MANBA: variants seen among roughly 807,000 people sequenced by gnomAD.
MANBA encodes the protein mannosidase beta, also known as beta-mannosidase.
In MANBA, 83 loss-of-function variants were observed where a neutral mutation model predicts 111.1. The observed-to-expected ratio is 0.75, with a 90% CI of 0.63 to 0.90. The LOEUF (loss-of-function observed/expected upper bound fraction) is 0.90, where lower values mean the gene tolerates loss of function less well. Ranked by LOEUF, MANBA falls within the 40% of genes least tolerant of loss-of-function variation. The pLI is 0.00. For missense variants in MANBA, 1,036 were observed against 1,069.0 expected, an observed-to-expected ratio of 0.97 and a Z score of 0.43; for synonymous variants, 370 against 378.7, an observed-to-expected ratio of 0.98 and a Z score of 0.27.
chr4:102,670,154 C>CAAAAAAAA (rs70937560), intron 9 of MANBA, among the ~76,000 whole-genome samples: 14 of 107,956 alleles, frequency 1.3e-4, no homozygotes, highest in African/African-American at 5.9e-4. Context: ...GACTCCATAT[C>CAAAAAAAA]AAAAAAAAAA....
chr4:102,636,238 C>T (rs963818334), intron 14 of MANBA, among the ~76,000 whole-genome samples: 5 of 152,306 alleles, frequency 3.3e-5, no homozygotes, highest in South Asian at 2.1e-4. Flanking sequence ...CAGGCATTAA[C>T]GAACCATGCT....
chr4:102,717,957 G>A (rs1722407155), intron 4 of MANBA, among the ~76,000 whole-genome samples: 1 of 152,238 alleles, frequency 6.6e-6, no homozygotes, highest in Non-Finnish European at 1.5e-5. Context: ...ATTAACTAGA[G>A]GAAGGCAAGT....
intron 1 of MANBA, among the ~76,000 whole-genome samples, chr4:102,756,483 G>A (rs1578965072): frequency 6.6e-6 from 1 of 152,168 alleles, no homozygotes; most frequent in East Asian, 1.9e-4. Context: ...TGAGGTTGGG[G>A]GCTGGGGGAG....
In MANBA at chr4:102,688,295, G is replaced by GCACA. The variant is rs112932815; in HGVS notation, c.960+1275_960+1278dup. Among the ~76,000 whole-genome samples the GCACA allele has an allele frequency of 4.8e-5, 7 of 146,350 alleles. No homozygotes were observed. The East Asian group carries it at 6.0e-4, about 13-fold the overall frequency. On this transcript the variant is annotated intron_variant, in intron 7 of 16. Transcript: ENST00000647097. ...ACTCTGTGCATGTGTGCGTGCGCGC[G>GCACA]CACACACACACACACACACACAAAC...
intron 1 of MANBA, chr4:102,752,365 A>G: frequency 1.5e-6 from 2 of 1,332,378 alleles, no homozygotes; most frequent in South Asian, 2.3e-5. Flanking sequence ...TCCCCGAACT[A>G]AAGACCATTC....
chr4:102,651,604 C>A (rs977386113), intron 12 of MANBA, among the ~76,000 whole-genome samples: 1 of 152,104 alleles, frequency 6.6e-6, no homozygotes, highest in African/African-American at 2.4e-5. Flanking sequence ...GCCCCTCCAC[C>A]CAAAAACCTG....
At chr4:102,704,744 A>C (rs1174374533) in intron 5 of MANBA, among the ~76,000 whole-genome samples, 1 of 152,152 alleles carries the variant, frequency 6.6e-6, no homozygotes. Flanking sequence ...TTGAAAAAAA[A>C]AATTCTGGAG....
chr4:102,675,412 A>G (rs917571073), intron 7 of MANBA, among the ~76,000 whole-genome samples: 4 of 152,136 alleles, frequency 2.6e-5, no homozygotes, highest in South Asian at 2.1e-4. Context: ...GAAGCAGTGC[A>G]TTTTCAGAGA....
chr4:102,658,041 C>T, intron 11 of MANBA, 141 bp from the exon 12 acceptor site: 1 of 692,146 alleles, frequency 1.4e-6, no homozygotes, highest in Non-Finnish European at 2.6e-6. Context: ...TACCTTCTTC[C>T]CTATTCAACA....
intron 5 of MANBA, among the ~76,000 whole-genome samples, chr4:102,697,327 C>A (rs1732763145): frequency 6.6e-6 from 1 of 151,874 alleles, no homozygotes; most frequent in Non-Finnish European, 1.5e-5. Context: ...ATCAAATAAG[C>A]AAGACTGACA....
chr4:102,743,713 T>C (rs1034941556), intron 1 of MANBA, among the ~76,000 whole-genome samples: 2 of 152,192 alleles, frequency 1.3e-5, no homozygotes, highest in East Asian at 1.9e-4. Context: ...ACCTACTTTA[T>C]GGCTAGATGG....
At chr4:102,685,038 T>C (rs893857281) in intron 7 of MANBA, among the ~76,000 whole-genome samples, 14 of 152,154 alleles carry the variant, frequency 9.2e-5, no homozygotes, top group South Asian at 2.1e-4. Flanking sequence ...AAAAAATACA[T>C]GCTATATGGT....
At chr4:102,660,725 G>A (rs974956083) in intron 11 of MANBA, among the ~76,000 whole-genome samples, 1 of 150,214 alleles carries the variant, frequency 6.7e-6, no homozygotes, top group Non-Finnish European at 1.5e-5. Flanking sequence ...AAGTCACTGG[G>A]GTTACAGGTG....
chr4:102,643,641 C>G (rs1056648401), intron 13 of MANBA, among the ~76,000 whole-genome samples: 4 of 152,120 alleles, frequency 2.6e-5, no homozygotes, highest in Non-Finnish European at 5.9e-5. Flanking sequence ...TTGCATTTCT[C>G]TAATAACTAA....
rs1261757244 is a variant in MANBA at position 102,669,054 on chromosome 4, C to A, written c.1231-5G>T. 1 of 1,604,920 alleles carries A rather than the reference C, an allele frequency of 6.2e-7. No homozygotes were observed. The highest frequency in any genetic ancestry group is 1.1e-5 in the South Asian group (1 of 90,568). On this transcript the variant is annotated splice_polypyrimidine_tract_variant and splice_region_variant and intron_variant, in intron 9 of 16. Coordinates refer to ENST00000647097, the MANE Select transcript of MANBA (RefSeq NM_005908.4). ...AAACATAAAATCCTGCCATACCTAG[C>A]AAATCAAATAAAAGGGAATGCAACA...
chr4:102,693,837 C>G lies in MANBA; in HGVS notation c.674-3066G>C, dbSNP rs576775833. The stretch of plus-strand genomic sequence containing the variant: ...CATTCCAACCTTTCTTTAAATATCT[C>G]TAATGACAAAAAAACCTCTGCCTCA... On this transcript the variant is annotated intron_variant, in intron 5 of 16. Transcript: ENST00000647097. Among the ~76,000 whole-genome samples the G allele has an allele frequency of 4.0e-5, 6 of 150,116 alleles. No individual in the cohort carries two copies. In the East Asian group the frequency reaches 9.6e-4, roughly 24 times the overall value.
At chr4:102,657,640 GTCTA>G (rs1462613620) in intron 12 of MANBA, 38 bp downstream of exon 12, 1 of 1,453,800 alleles carries the variant, frequency 6.9e-7, no homozygotes, top group Admixed American at 1.7e-5. Flanking sequence ...CATGCCCACA[GTCTA>G]TCATTCTGAA....
At chr4:102,692,162 A>G (rs1432818387) in intron 5 of MANBA, among the ~76,000 whole-genome samples, 7 of 152,212 alleles carry the variant, frequency 4.6e-5, no homozygotes, top group African/African-American at 1.4e-4. Context: ...ACAGTGATAT[A>G]CAAGGATGAA....
chr4:102,696,647 T>C (rs1252971190), intron 5 of MANBA, among the ~76,000 whole-genome samples: 2 of 152,162 alleles, frequency 1.3e-5, no homozygotes, highest in Non-Finnish European at 2.9e-5. Context: ...CAAACACTGG[T>C]AGATGAAAAA....
Sources: gnomAD v4.1 joint callset for allele counts (sites outside exome capture counted in the v4.1 genomes callset) on GRCh38, gnomAD v4.1.1 for gene constraint, MANE v1.5 for transcripts, NCBI Gene and HGNC (gene_info 2026-07-23, HGNC 2026-07-21) for gene names.